The following PCDHGA4 variants were observed in gnomAD, a reference collection of about 807,000 sequenced individuals.
The protein encoded by PCDHGA4 is protocadherin gamma subfamily A, 4.
In PCDHGA4, 38 loss-of-function variants were observed where a neutral mutation model predicts 54.6. The observed-to-expected ratio is 0.70, with a 90% CI of 0.54 to 0.91. The LOEUF (loss-of-function observed/expected upper bound fraction) is 0.91, where lower values mean the gene tolerates loss of function less well. PCDHGA4 is among the 40% of genes least tolerant of loss of function. The probability of loss-of-function intolerance (pLI) is 0.00; values close to 1 mark genes in which losing one functional copy is unlikely to be tolerated. For missense variants in PCDHGA4, 1,298 were observed against 1,220.9 expected, an observed-to-expected ratio of 1.06 and a Z score of -0.94; for synonymous variants, 511 against 512.9, an observed-to-expected ratio of 1.00 and a Z score of 0.05.
intron 1 of PCDHGA4, chr5:141,390,423 C>T: frequency 9.4e-7 from 1 of 1,058,546 alleles, no homozygotes; most frequent in Non-Finnish European, 1.3e-6. Context: ...AGTTAAAAAG[C>T]TGTCATATCA....
intron 1 of PCDHGA4, chr5:141,402,902 G>GA: frequency 6.6e-7 from 1 of 1,522,022 alleles, no homozygotes; most frequent in Non-Finnish European, 8.8e-7. Flanking sequence ...AGAACCTGAT[G>GA]AAGCAGCGCG....
At chr5:141,398,267 T>G (rs757957397) in intron 1 of PCDHGA4, 2 of 1,435,108 alleles carry the variant, frequency 1.4e-6, no homozygotes, top group East Asian at 2.5e-5. Context: ...GGCTCCGTAG[T>G]GGGGAACCTC....
At chr5:141,390,612 T>C (rs2092191763) in intron 1 of PCDHGA4, 1 of 296,168 alleles carries the variant, frequency 3.4e-6, no homozygotes, top group Non-Finnish European at 6.3e-6. Context: ...ATTTTCCTTC[T>C]TGTTGACTAA....
chr5:141,485,226 T>C lies in PCDHGA4; in HGVS notation c.2515-9581T>C. ...GAAATCTGGCGGTGGGCTACCCTTT[T>C]GTTCCTCTTTTACCACCTGGGTTAC... On this transcript the variant is annotated intron_variant, in intron 1 of 3. Transcript: ENST00000571252. The surrounding 1 kb of genome is among the most constrained non-coding windows in gnomAD (Gnocchi z 5.7). 1.9e-6 allele frequency: 3 copies of C among 1,614,170 alleles called. No homozygotes were observed. Among genetic ancestry groups the C allele is most frequent in the Non-Finnish European group, 2.5e-6 (3 of 1,180,026 alleles).
At position 141,355,250 on chromosome 5, in the gene PCDHGA4, G is replaced by A; in HGVS notation, c.143G>A (p.Cys48Tyr). The A allele has an allele frequency of 6.2e-7, 1 of 1,613,314 alleles. No individual in the cohort carries two copies. Among genetic ancestry groups the A allele is most frequent in the East Asian group, 2.2e-5 (1 of 44,882 alleles). Residue 48 changes from cysteine to tyrosine, a missense_variant, in exon 1 of 4, where the codon TGC becomes TAC. Coordinates refer to ENST00000571252, the MANE Select transcript of PCDHGA4 (RefSeq NM_018917.4). ...RPDHTRLLQI[C>Y]LLLGVLVEIR... Reference sequence around the variant, plus strand: ...GACCACACCCGGCTGCTCCAGATCTGCCTTCTCCTGGGGGTTCTGGTGGAA... The same window carrying A: ...GACCACACCCGGCTGCTCCAGATCTACCTTCTCCTGGGGGTTCTGGTGGAA...
chr5:141,510,272 TA>T (rs546154379), intron 3 of PCDHGA4, among the ~76,000 whole-genome samples: 4,704 of 130,308 alleles, frequency 0.036, 80 homozygotes, highest in South Asian at 0.057. Flanking sequence ...GACTCCATCT[TA>T]AAAAAAAAAA....
At position 141,428,400 on chromosome 5, in the gene PCDHGA4, G is replaced by T. The variant is rs373595231; in HGVS notation, c.2515-66407G>T. 3 of 483,290 alleles carry T rather than the reference G, an allele frequency of 6.2e-6. No individual in the cohort carries two copies. The East Asian group carries it at 1.2e-4, about 20-fold the overall frequency. 29.9% of individuals were successfully genotyped at this position (483,290 alleles called of 1,614,324 possible). ...GATGCTCTTCCAGCCCCTCTGCCTGGGGTTGCTTTCACCCTGGTCTCTGTT... is the reference window on the plus strand; with the variant it reads ...GATGCTCTTCCAGCCCCTCTGCCTGTGGTTGCTTTCACCCTGGTCTCTGTT... On this transcript the variant is annotated intron_variant, in intron 1 of 3. Coordinates refer to ENST00000571252, the MANE Select transcript of PCDHGA4 (RefSeq NM_018917.4).
At chr5:141,404,437 C>T in intron 1 of PCDHGA4, 3 of 1,613,094 alleles carry the variant, frequency 1.9e-6, no homozygotes, top group Non-Finnish European at 2.5e-6. Context: ...CAGAGGATAC[C>T]ATCCAAGGGT....
chr5:141,378,758 C>T (rs969501970), intron 1 of PCDHGA4: 1 of 152,162 alleles, frequency 6.6e-6, no homozygotes, highest in Admixed American at 6.5e-5. Flanking sequence ...AAGGGATTAT[C>T]ATTTAGAAGA....
chr5:141,485,338 T>C lies in PCDHGA4; in HGVS notation c.2515-9469T>C, dbSNP rs1259658641. The stretch of plus-strand genomic sequence containing the variant: ...ATGTCGCTCAAGATTTCCTGCTGGA[T>C]ACGGACAGTCTGTCAGCTCGCAGGC... On this transcript the variant is annotated intron_variant, in intron 1 of 3. Coordinates refer to ENST00000571252, the MANE Select transcript of PCDHGA4 (RefSeq NM_018917.4). The surrounding 1 kb of genome is among the most constrained non-coding windows in gnomAD (Gnocchi z 5.7). 1 of 1,614,140 alleles carries C rather than the reference T, an allele frequency of 6.2e-7. No individual in the cohort carries two copies. Among genetic ancestry groups the C allele is most frequent in the Non-Finnish European group, 8.5e-7 (1 of 1,180,006 alleles).
In PCDHGA4 at chr5:141,365,423, G is replaced by A. The variant is rs182594355; in HGVS notation, c.2514+7802G>A. ...CTCTGAAGACTGTCTTCCCGGAACT[G>A]TAATCGCGCTGTTTAGCGTACATGA... On this transcript the variant is annotated intron_variant, in intron 1 of 3. Coordinates refer to ENST00000571252, the MANE Select transcript of PCDHGA4 (RefSeq NM_018917.4). 180 of 1,614,018 alleles carry A rather than the reference G, an allele frequency of 1.1e-4. No individual in the cohort carries two copies. In the East Asian group the frequency reaches 2.5e-3, roughly 23 times the overall value.
At chr5:141,461,422 C>A (rs2099015157) in intron 1 of PCDHGA4, among the ~76,000 whole-genome samples, 1 of 151,930 alleles carries the variant, frequency 6.6e-6, no homozygotes, top group African/African-American at 2.4e-5. Flanking sequence ...TGTTTGTGGG[C>A]CATTTGTATA....
chr5:141,361,071 A>G (rs1453413106), intron 1 of PCDHGA4: 1 of 1,613,984 alleles, frequency 6.2e-7, no homozygotes, highest in South Asian at 1.1e-5. Context: ...TTGAGATTGC[A>G]AGTAGTTACA....
At chr5:141,404,949 A>G in intron 1 of PCDHGA4, 1 of 1,613,834 alleles carries the variant, frequency 6.2e-7, no homozygotes, top group Non-Finnish European at 8.5e-7. Flanking sequence ...GCCATAGCTG[A>G]CAGCATCCCA....
At chr5:141,384,778 C>T (rs1206898496) in intron 1 of PCDHGA4, 6 of 1,613,608 alleles carry the variant, frequency 3.7e-6, no homozygotes, top group East Asian at 2.2e-5. Flanking sequence ...GGGCGAGGTG[C>T]GCACGGCTCG....
intron 1 of PCDHGA4, chr5:141,398,743 A>G: frequency 6.2e-7 from 1 of 1,613,864 alleles, no homozygotes; most frequent in Non-Finnish European, 8.5e-7. Flanking sequence ...GGAACAACAG[A>G]GTTACCATCG....
chr5:141,415,404 C>A lies in PCDHGA4; in HGVS notation c.2514+57783C>A, dbSNP rs199662613. On this transcript the variant is annotated intron_variant, in intron 1 of 3. Transcript: ENST00000571252. ...GCTTGACAGGTGTGTCCGGCTCGCA[C>A]TTTGTGGGCGTGGACGGGGTTCGGG... The A allele has an allele frequency of 2.2e-4, 363 of 1,614,238 alleles. 1 individual carries two copies. Among genetic ancestry groups the A allele is most frequent in the Non-Finnish European group, 6.8e-6 (8 of 1,180,048 alleles).
intron 1 of PCDHGA4, chr5:141,371,485 C>G: frequency 6.2e-7 from 1 of 1,613,980 alleles, no homozygotes; most frequent in South Asian, 1.1e-5. Context: ...GAGCTGGGGA[C>G]TGCCGTTGCC....
intron 1 of PCDHGA4, among the ~76,000 whole-genome samples, chr5:141,407,382 A>G (rs1158380926): frequency 6.6e-6 from 1 of 152,218 alleles, no homozygotes; most frequent in Non-Finnish European, 1.5e-5. Context: ...GAAGGCTTGT[A>G]TGTCATGGTA....
Sources: allele counts gnomAD v4.1 joint callset (sites outside exome capture counted in the v4.1 genomes callset), GRCh38; gene constraint gnomAD v4.1.1; non-coding constraint Gnocchi (gnomAD v3.1); transcripts MANE v1.5; gene names NCBI Gene and HGNC (gene_info 2026-07-23, HGNC 2026-07-21).